The following VAV1 variants were observed in gnomAD, a reference collection of about 807,000 sequenced individuals.
The protein encoded by VAV1 is vav guanine nucleotide exchange factor 1.
VAV1 carries 33 observed loss-of-function variants against 128.1 expected under a neutral mutation model. That is an observed-to-expected ratio of 0.26 (90% CI 0.20 to 0.34). The LOEUF (loss-of-function observed/expected upper bound fraction) is 0.34. Ranked by LOEUF, VAV1 falls within the 10% of genes least tolerant of loss-of-function variation. The pLI is 1.00. For missense variants in VAV1, 715 were observed against 1,093.7 expected (o/e 0.65, Z 4.88); for synonymous variants, 394 against 409.8 (o/e 0.96, Z 0.47).
Position 6,772,978 on chromosome 19 carries a change from G to C in VAV1, c.171G>C (p.Leu57=), listed in dbSNP as rs770312468. The change falls in exon 1 of 27, where the codon CTG becomes CTC. Residue 57 remains leucine, a synonymous_variant. Transcript: ENST00000602142. The surrounding 1 kb of genome is among the most constrained non-coding windows in gnomAD (Gnocchi z 4.8). ...LNNLLPHAIN[L]REVNLRPQMS... is the part of the protein sequence containing the mutation. ...ACCTGCTACCCCATGCCATCAACCT[G>C]CGTGAGGTCAACCTGCGCCCCCAGA... 18 of 1,613,988 alleles carry C rather than the reference G, an allele frequency of 1.1e-5. 1 individual carries two copies. In the South Asian group the frequency reaches 2.0e-4, roughly 18 times the overall value.
At chr19:6,807,961 T>C (rs1234305215) in intron 1 of VAV1, among the ~76,000 whole-genome samples, 1 of 123,412 alleles carries the variant, frequency 8.1e-6, no homozygotes, top group African/African-American at 3.3e-5. Flanking sequence ...CTGCACTCCA[T>C]CCTGGGTGAC....
At chr19:6,773,133 C>A in intron 1 of VAV1, 122 bp downstream of exon 1, 2 of 1,330,042 alleles carry the variant, frequency 1.5e-6, no homozygotes, top group African/African-American at 1.4e-5. Flanking sequence ...AATATGCTTA[C>A]AGGTCCAGGG....
At chr19:6,845,497 C>T (rs1027378934) in intron 22 of VAV1, among the ~76,000 whole-genome samples, 5 of 151,942 alleles carry the variant, frequency 3.3e-5, no homozygotes, top group Admixed American at 6.6e-5. Flanking sequence ...TTCATATTTA[C>T]ATTTATATTA....
At chr19:6,852,699 C>T (rs1190647420) in intron 24 of VAV1, among the ~76,000 whole-genome samples, 3 of 148,930 alleles carry the variant, frequency 2.0e-5, no homozygotes, top group Non-Finnish European at 4.4e-5. Context: ...CCAGCCTGGG[C>T]GACAGAGCCA....
intron 1 of VAV1, among the ~76,000 whole-genome samples, chr19:6,819,893 T>TA (rs1298478216): frequency 1.3e-5 from 2 of 152,230 alleles, no homozygotes; most frequent in Non-Finnish European, 2.9e-5. Flanking sequence ...TTTTTCCAGA[T>TA]ACTCAAAAGC....
chr19:6,772,874 G>A lies in VAV1; in HGVS notation c.67G>A (p.Val23Met), dbSNP rs2144677529. 2 of 1,614,138 alleles carry A rather than the reference G, an allele frequency of 1.2e-6. No individual in the cohort carries two copies. Among genetic ancestry groups the A allele is most frequent in the South Asian group, 1.1e-5 (1 of 91,086 alleles). Residue 23 changes from valine (V) to methionine (M), a missense_variant, in exon 1 of 27, where the codon GTG (valine) becomes ATG (methionine). By Grantham distance (21) the Val-to-Met change is conservative (BLOSUM62 1). Transcript: ENST00000602142. The surrounding 1 kb of genome is among the most constrained non-coding windows in gnomAD (Gnocchi z 4.8). ...CCGGGTGCTGCCGCCCAGCCACCGC[G>A]TGACCTGGGATGGGGCTCAGGTGTG... is the stretch of plus-strand genomic sequence containing the variant. Reference protein sequence around the residue: ...QCRVLPPSHRVTWDGAQVCEL... With the variant: ...QCRVLPPSHRMTWDGAQVCEL...
Position 6,853,005 on chromosome 19 carries a change from G to T in VAV1, c.2258G>T (p.Cys753Phe). The T allele has an allele frequency of 6.2e-7, 1 of 1,611,510 alleles. No homozygotes were observed. The highest frequency in any genetic ancestry group is 8.5e-7 in the Non-Finnish European group (1 of 1,178,322). ...EFYQQNSLKD[C>F]FKSLDTTLQF... is the part of the protein sequence containing the mutation. ...TACCAGCAGAACTCTCTAAAGGATTGCTTCAAGTCTCTGGACACCACCTTG... is the reference window on the plus strand; with the variant it reads ...TACCAGCAGAACTCTCTAAAGGATTTCTTCAAGTCTCTGGACACCACCTTG... The change falls in exon 25 of 27, where the codon TGC (cysteine) becomes TTC (phenylalanine). Residue 753 changes from cysteine (C) to phenylalanine (F), a missense_variant. Coordinates refer to ENST00000602142, the MANE Select transcript of VAV1 (RefSeq NM_005428.4).
chr19:6,820,966 T>G lies in VAV1; in HGVS notation c.321+148T>G, dbSNP rs2144768081. On this transcript the variant is annotated intron_variant, in intron 2 of 26. Transcript: ENST00000602142. The surrounding 1 kb of genome is among the most constrained non-coding windows in gnomAD (Gnocchi z 4.4). ...GCAAATAGCACTGGCTTGGGATATG[T>G]GGAACTGGGTTTGAGTTCCTGCTCT... The G allele has an allele frequency of 1.3e-6, 1 of 751,096 alleles. No homozygotes were observed. The highest frequency in any genetic ancestry group is 1.7e-5 in the African/African-American group (1 of 57,886). 46.5% of individuals were successfully genotyped at this position (751,096 alleles called of 1,614,324 possible).
chr19:6,856,593 A>G (rs1972808788), intron 26 of VAV1, among the ~76,000 whole-genome samples: 1 of 150,080 alleles, frequency 6.7e-6, no homozygotes, highest in East Asian at 2.0e-4. Flanking sequence ...GTGTGGTGGC[A>G]GGCGCCTGTA....
At position 6,772,870 on chromosome 19, in the gene VAV1, C is replaced by T; in HGVS notation, c.63C>T (p.His21=). The T allele has an allele frequency of 1.2e-6, 2 of 1,614,142 alleles. No homozygotes were observed. The highest frequency in any genetic ancestry group is 1.3e-5 in the African/African-American group (1 of 75,046). ...LIQCRVLPPS[H]RVTWDGAQVC... is the part of the protein sequence containing the mutation. Reference sequence around the variant, plus strand: ...AGTGCCGGGTGCTGCCGCCCAGCCACCGCGTGACCTGGGATGGGGCTCAGG... The same window carrying T: ...AGTGCCGGGTGCTGCCGCCCAGCCATCGCGTGACCTGGGATGGGGCTCAGG... The change falls in exon 1 of 27, where the codon CAC becomes CAT. Residue 21 remains histidine, a synonymous_variant. Coordinates refer to ENST00000602142, the MANE Select transcript of VAV1 (RefSeq NM_005428.4). The surrounding 1 kb of genome is among the most constrained non-coding windows in gnomAD (Gnocchi z 4.8).
intron 22 of VAV1, among the ~76,000 whole-genome samples, chr19:6,845,103 G>A (rs1387260458): frequency 2.6e-5 from 4 of 152,112 alleles, no homozygotes; most frequent in Non-Finnish European, 4.4e-5. Context: ...AAATTCGGCT[G>A]GGCGCAGTGG....
In VAV1 at chr19:6,853,128, T is replaced by G. The variant is rs1238492463; in HGVS notation, c.2332+49T>G. 2.6e-6 allele frequency: 4 copies of G among 1,568,248 alleles called. No individual in the cohort carries two copies. In the African/African-American group the frequency reaches 4.1e-5, roughly 16 times the overall value. On this transcript the variant is annotated intron_variant, in intron 25 of 26. Transcript: ENST00000602142. The stretch of plus-strand genomic sequence containing the variant: ...TTACAGCCTCAGCCCCTTCCCATTG[T>G]GGAGGGAAACTTTGGGGATGCCATT...
intron 24 of VAV1, 29 bp from the exon 25 acceptor site, chr19:6,852,936 T>C: frequency 1.3e-6 from 2 of 1,588,914 alleles, no homozygotes; most frequent in African/African-American, 1.3e-5. Flanking sequence ...CCCGCTGGGA[T>C]AGCATCTGCC....
intron 1 of VAV1, among the ~76,000 whole-genome samples, chr19:6,795,234 T>C (rs577465383): frequency 7.9e-5 from 12 of 151,944 alleles, no homozygotes; most frequent in Non-Finnish European, 1.3e-4. Flanking sequence ...AGGAGCAGGG[T>C]GCAAAGGAGC....
chr19:6,812,032 T>C (rs992537987), intron 1 of VAV1, among the ~76,000 whole-genome samples: 1 of 152,134 alleles, frequency 6.6e-6, no homozygotes, highest in Admixed American at 6.5e-5. Context: ...GCCCTGAAAG[T>C]GATGCTTATG....
intron 14 of VAV1, 95 bp from the exon 15 acceptor site, chr19:6,831,996 G>A (rs756073520): frequency 1.2e-5 from 12 of 985,234 alleles, no homozygotes; most frequent in East Asian, 2.5e-5. Flanking sequence ...ACTGTCATGG[G>A]CTTGCCTGTT....
chr19:6,812,756 A>G (rs975221442), intron 1 of VAV1, among the ~76,000 whole-genome samples: 1 of 152,142 alleles, frequency 6.6e-6, no homozygotes, highest in Admixed American at 6.5e-5. Flanking sequence ...GGTGATGCTC[A>G]TGGTCATGAA....
intron 26 of VAV1, among the ~76,000 whole-genome samples, chr19:6,856,271 T>C (rs1239828011): frequency 6.6e-6 from 1 of 151,026 alleles, no homozygotes; most frequent in Non-Finnish European, 1.5e-5. Flanking sequence ...CACTCCAGCC[T>C]GGGCAACAGA....
chr19:6,775,493 T>C (rs1970601424), intron 1 of VAV1, among the ~76,000 whole-genome samples: 1 of 152,206 alleles, frequency 6.6e-6, no homozygotes, highest in Admixed American at 6.5e-5. Context: ...TCAGGCTTTA[T>C]GCAAGAGGGG....
Sources: allele counts gnomAD v4.1 joint callset (sites outside exome capture counted in the v4.1 genomes callset), GRCh38; gene constraint gnomAD v4.1.1; non-coding constraint Gnocchi (gnomAD v3.1); transcripts MANE v1.5; gene names NCBI Gene and HGNC (gene_info 2026-07-23, HGNC 2026-07-21).